Variants in CAMK2D observed in about 807,000 individuals in gnomAD.
CAMK2D encodes calcium/calmodulin dependent protein kinase II delta, also known as calcium/calmodulin-dependent protein kinase type II subunit delta.
Under a neutral mutation model 84.0 loss-of-function variants are expected in CAMK2D, and 37 were observed. That is an observed-to-expected ratio of 0.44 (90% confidence interval 0.34 to 0.58). CAMK2D has a LOEUF of 0.58. Among genes scored for constraint, CAMK2D ranks in the 20% least tolerant of loss-of-function variants. CAMK2D has a pLI of 0.02. For missense variants in CAMK2D, 448 were observed against 652.5 expected (o/e 0.69, Z 3.41); for synonymous variants, 202 against 212.5 (o/e 0.95, Z 0.43).
chr4:113,548,703 C>G, intron 5 of CAMK2D: 1 of 1,589,200 alleles, frequency 6.3e-7, no homozygotes, highest in Non-Finnish European at 8.6e-7. Context: ...ATGATTAACA[C>G]TTTCTAGAAT....
rs115121082 is a variant in CAMK2D at position 113,500,553 on chromosome 4, T to C, written c.1087-42A>G. ...ACATTTTTAGGTTGCACGCAATGAA[T>C]AGCTTGATTTCCTCCTTAAAAATTG... On this transcript the variant is annotated intron_variant, in intron 15 of 20. Transcript: ENST00000511664. 1,069 of 1,383,558 alleles carry C rather than the reference T, an allele frequency of 7.7e-4. 9 individuals carry two copies. In the African/African-American group the frequency reaches 0.014, roughly 18 times the overall value. 85.7% of individuals were successfully genotyped at this position (1,383,558 alleles called of 1,614,324 possible). A position where few individuals can be genotyped will look rare whatever the true frequency, so the allele number is the denominator to read the frequency against.
intron 16 of CAMK2D, 47 bp downstream of exon 16, chr4:113,500,416 T>C (rs1309791300): frequency 4.3e-6 from 5 of 1,167,460 alleles, no homozygotes; most frequent in Non-Finnish European, 6.3e-6. Context: ...TTCATATATA[T>C]ATGTGAAGCT....
At chr4:113,582,866 G>A (rs2098817089) in intron 4 of CAMK2D, among the ~76,000 whole-genome samples, 1 of 152,222 alleles carries the variant, frequency 6.6e-6, no homozygotes, top group South Asian at 2.1e-4. Flanking sequence ...CTCTCCCATG[G>A]CATTCTGCCA....
At chr4:113,755,981 C>A (rs931130162) in intron 2 of CAMK2D, among the ~76,000 whole-genome samples, 8 of 151,970 alleles carry the variant, frequency 5.3e-5, no homozygotes, top group African/African-American at 1.9e-4. Flanking sequence ...TGCTTCCATA[C>A]TACTTATTTT....
At chr4:113,724,903 T>G (rs1593618404) in intron 2 of CAMK2D, among the ~76,000 whole-genome samples, 1 of 152,014 alleles carries the variant, frequency 6.6e-6, no homozygotes, top group East Asian at 1.9e-4. Context: ...TTTTAAAATT[T>G]CTTCTTTAAC....
intron 16 of CAMK2D, among the ~76,000 whole-genome samples, chr4:113,475,020 T>A (rs2097589939): frequency 6.6e-6 from 1 of 152,242 alleles, no homozygotes; most frequent in African/African-American, 2.4e-5. Flanking sequence ...AAAGTGAGAA[T>A]GGTTAAAATC....
At chr4:113,571,929 C>G (rs1196699917) in intron 4 of CAMK2D, among the ~76,000 whole-genome samples, 3 of 152,152 alleles carry the variant, frequency 2.0e-5, no homozygotes, top group African/African-American at 7.2e-5. Flanking sequence ...ACAATAAATT[C>G]AATTAACTCA....
intron 4 of CAMK2D, among the ~76,000 whole-genome samples, chr4:113,593,838 A>G (rs527682714): frequency 6.6e-6 from 1 of 152,236 alleles, no homozygotes; most frequent in East Asian, 1.9e-4. Context: ...TGAGATCTAA[A>G]TATAGGACTA....
intron 2 of CAMK2D, among the ~76,000 whole-genome samples, chr4:113,665,443 C>T (rs1194839604): frequency 6.6e-6 from 1 of 152,164 alleles, no homozygotes; most frequent in Non-Finnish European, 1.5e-5. Context: ...TGTATTTATC[C>T]TGCTACAGAG....
At chr4:113,756,954 G>C (rs144797182) in intron 2 of CAMK2D, among the ~76,000 whole-genome samples, 170 of 152,168 alleles carry the variant, frequency 1.1e-3, no homozygotes, top group African/African-American at 3.8e-3. Flanking sequence ...GAAAAGTTCT[G>C]TAATTTTTCA....
intron 16 of CAMK2D, among the ~76,000 whole-genome samples, chr4:113,490,715 C>G (rs533018810): frequency 8.6e-4 from 129 of 150,212 alleles, no homozygotes; most frequent in Non-Finnish European, 1.3e-3. Context: ...GGCATTGAAT[C>G]TGTAAATTAC....
chr4:113,693,814 AT>A (rs990891788), intron 2 of CAMK2D, among the ~76,000 whole-genome samples: 49 of 151,716 alleles, frequency 3.2e-4, no homozygotes, highest in South Asian at 6.3e-4. Flanking sequence ...CTGAAAGGTA[AT>A]TTTTTTTTAC....
chr4:113,544,375 C>A (rs577949465), intron 6 of CAMK2D, among the ~76,000 whole-genome samples: 1 of 152,270 alleles, frequency 6.6e-6, no homozygotes, highest in African/African-American at 2.4e-5. Context: ...ATTTTCCTAT[C>A]GTTTTGACTC....
At chr4:113,748,559 A>G (rs2099610032) in intron 2 of CAMK2D, among the ~76,000 whole-genome samples, 1 of 152,158 alleles carries the variant, frequency 6.6e-6, no homozygotes, top group African/African-American at 2.4e-5. Context: ...AAAATTAAAA[A>G]AAATACTAGG....
intron 2 of CAMK2D, among the ~76,000 whole-genome samples, chr4:113,726,680 A>G (rs2099546985): frequency 6.6e-6 from 1 of 152,026 alleles, no homozygotes; most frequent in South Asian, 2.1e-4. Flanking sequence ...TGCTGGGATT[A>G]TAGGTGTGAG....
intron 16 of CAMK2D, among the ~76,000 whole-genome samples, chr4:113,498,689 C>T (rs2097980072): frequency 6.6e-6 from 1 of 152,074 alleles, no homozygotes; most frequent in Non-Finnish European, 1.5e-5. Flanking sequence ...AGATGAAACC[C>T]ATATCATTGT....
At chr4:113,724,991 T>C (rs896167152) in intron 2 of CAMK2D, among the ~76,000 whole-genome samples, 1 of 152,056 alleles carries the variant, frequency 6.6e-6, no homozygotes, top group African/African-American at 2.4e-5. Flanking sequence ...TTACTTTATC[T>C]CGCATTTAGC....
chr4:113,663,804 C>T (rs1359514360), intron 2 of CAMK2D, among the ~76,000 whole-genome samples: 1 of 151,618 alleles, frequency 6.6e-6, no homozygotes. Flanking sequence ...GTAAGTTCTA[C>T]AGAGTTTTTG....
intron 2 of CAMK2D, among the ~76,000 whole-genome samples, chr4:113,698,519 C>T (rs554443476): frequency 1.3e-5 from 2 of 152,162 alleles, no homozygotes; most frequent in South Asian, 4.2e-4. Context: ...AAAATGTTAG[C>T]TATCCTCATT....
Sources: allele counts gnomAD v4.1 joint callset (sites outside exome capture counted in the v4.1 genomes callset), GRCh38; gene constraint gnomAD v4.1.1; transcripts MANE v1.5; gene names NCBI Gene and HGNC (gene_info 2026-07-23, HGNC 2026-07-21).